Variants in TMC1 observed in about 807,000 individuals in gnomAD.
TMC1 encodes transmembrane channel like 1.
TMC1 carries 84 observed loss-of-function variants against 105.8 expected under a neutral mutation model. The observed-to-expected ratio is 0.79, with a 90% CI of 0.67 to 0.95. TMC1 has a LOEUF of 0.95. Among genes scored for constraint, TMC1 ranks in the 40% least tolerant of loss-of-function variants. The probability of loss-of-function intolerance (pLI) is 0.00; values close to 1 mark genes in which losing one functional copy is unlikely to be tolerated. For missense variants in TMC1, 817 were observed against 914.1 expected (o/e 0.89, Z 1.37); for synonymous variants, 315 against 311.5 (o/e 1.01, Z -0.12).
chr9:72,792,102 T>G (rs376924249), intron 16 of TMC1, 37 bp downstream of exon 16: 54 of 1,613,358 alleles, frequency 3.3e-5, no homozygotes, highest in Middle Eastern at 1.6e-4. Flanking sequence ...GCCATAAGAG[T>G]GTTGTTCAAT....
chr9:72,626,195 G>A (rs937423965), intron 3 of TMC1, among the ~76,000 whole-genome samples: 1 of 152,152 alleles, frequency 6.6e-6, no homozygotes, highest in African/African-American at 2.4e-5. Flanking sequence ...GACCCTGAGG[G>A]AGAACTGCTT....
intron 8 of TMC1, among the ~76,000 whole-genome samples, chr9:72,731,874 C>T (rs992048803): frequency 6.6e-6 from 1 of 152,166 alleles, no homozygotes; most frequent in Non-Finnish European, 1.5e-5. Flanking sequence ...TGATACCACT[C>T]CATCTCTCAT....
At chr9:72,580,929 A>T (rs1461601714) in intron 2 of TMC1, among the ~76,000 whole-genome samples, 1 of 152,188 alleles carries the variant, frequency 6.6e-6, no homozygotes, top group African/African-American at 2.4e-5. Flanking sequence ...TGCTAGCATG[A>T]TGCCCCATCC....
chr9:72,684,739 C>T (rs1826347953), intron 5 of TMC1, among the ~76,000 whole-genome samples: 1 of 152,128 alleles, frequency 6.6e-6, no homozygotes. Context: ...TTTAACAGCT[C>T]CTACCTAAGC....
Position 72,529,829 on chromosome 9 carries a change from C to T in TMC1, c.-428+7916C>T, listed in dbSNP as rs11143315. 1.0e-3 allele frequency among the ~76,000 whole-genome samples: 154 copies of T among 152,254 alleles called. 1 individual carries two copies. The highest frequency in any genetic ancestry group is 3.4e-3 in the African/African-American group (140 of 41,540). On this transcript the variant is annotated intron_variant, in intron 1 of 23. Transcript: ENST00000297784. ...ATTATGAGACTAAACCAGTTTCCCT[C>T]ACCTGCAGCTAGATAAAAATTTCTA...
intron 5 of TMC1, among the ~76,000 whole-genome samples, chr9:72,676,886 T>C (rs1826211107): frequency 6.6e-6 from 1 of 152,146 alleles, no homozygotes; most frequent in African/African-American, 2.4e-5. Context: ...ATCTTCTGCC[T>C]GTTTCTGGAA....
At chr9:72,783,643 A>C (rs975745955) in intron 13 of TMC1, among the ~76,000 whole-genome samples, 1 of 152,184 alleles carries the variant, frequency 6.6e-6, no homozygotes, top group Admixed American at 6.5e-5. Flanking sequence ...TTTACCAGCT[A>C]TCTAGGCATC....
chr9:72,664,699 C>T (rs774900141), intron 5 of TMC1, among the ~76,000 whole-genome samples: 22 of 152,152 alleles, frequency 1.4e-4, no homozygotes, highest in Non-Finnish European at 2.8e-4. Context: ...TCACTCCATC[C>T]CCTTTCCAGC....
At chr9:72,751,815 A>C in intron 10 of TMC1, 35 bp from the exon 11 acceptor site, 1 of 1,368,558 alleles carries the variant, frequency 7.3e-7, no homozygotes, top group Non-Finnish European at 1.0e-6. Flanking sequence ...GTTTGCTTTG[A>C]TCTCTCTTCA....
intron 18 of TMC1, among the ~76,000 whole-genome samples, chr9:72,814,583 A>C (rs1276426800): frequency 1.3e-5 from 2 of 152,092 alleles, no homozygotes; most frequent in Non-Finnish European, 2.9e-5. Context: ...AGGACTCTTT[A>C]TTATTTCATT....
In TMC1 at chr9:72,616,383, T is replaced by C. The variant is rs1310100589; in HGVS notation, c.-290T>C. On this transcript the variant is annotated 5_prime_UTR_variant, in exon 3 of 24. Transcript: ENST00000297784. The stretch of plus-strand genomic sequence containing the variant: ...ATAATTCCAGGCCATGAAAGATCAC[T>C]GTTTTAGTCTGCGTGGTGCAGTGGA... 1 of 152,132 alleles carries C rather than the reference T, an allele frequency of 6.6e-6. No homozygotes were observed. Among genetic ancestry groups the C allele is most frequent in the Non-Finnish European group, 1.5e-5 (1 of 68,030 alleles). The allele number at this position is 152,132 out of a possible 1,614,324, so 9.4% of individuals were successfully genotyped here. A position where few individuals can be genotyped will look rare whatever the true frequency, so the allele number is the denominator to read the frequency against.
chr9:72,542,973 C>T (rs1165196737), intron 1 of TMC1, among the ~76,000 whole-genome samples: 1 of 152,098 alleles, frequency 6.6e-6, no homozygotes, highest in African/African-American at 2.4e-5. Flanking sequence ...GCCACCGCAC[C>T]CAGCTAGGCC....
chr9:72,539,145 G>A (rs1284961003), intron 1 of TMC1, among the ~76,000 whole-genome samples: 1 of 152,020 alleles, frequency 6.6e-6, no homozygotes, highest in Non-Finnish European at 1.5e-5. Context: ...CACTTTGGAA[G>A]GCTGAGGTGG....
intron 8 of TMC1, among the ~76,000 whole-genome samples, chr9:72,728,472 A>G (rs1488920984): frequency 6.6e-6 from 1 of 152,132 alleles, no homozygotes; most frequent in Admixed American, 6.6e-5. Context: ...GAGAGCAGAG[A>G]GCTTTTCTTG....
chr9:72,805,497 T>G lies in TMC1; in HGVS notation c.1682T>G (p.Leu561Trp), dbSNP rs1828559533. 3 of 1,613,418 alleles carry G rather than the reference T, an allele frequency of 1.9e-6. No individual in the cohort carries two copies. Among genetic ancestry groups the G allele is most frequent in the Non-Finnish European group, 2.5e-6 (3 of 1,179,668 alleles). ...TGCAATTATTGCTGGTGCTGGGACTTGGAGTATGGATATGTAAGTATGATG... is the reference window on the plus strand; with the variant it reads ...TGCAATTATTGCTGGTGCTGGGACTGGGAGTATGGATATGTAAGTATGATG... The part of the protein sequence containing the change: ...RFCNYCWCWD[L>W]EYGYPSYTEF... The change falls in exon 18 of 24, where the codon TTG becomes TGG. Residue 561 changes from leucine (L) to tryptophan (W), a missense_variant. By Grantham distance (61) the Leu-to-Trp change is moderately conservative. Coordinates refer to ENST00000297784, the MANE Select transcript of TMC1 (RefSeq NM_138691.3).
intron 8 of TMC1, among the ~76,000 whole-genome samples, chr9:72,701,421 G>A (rs995743029): frequency 6.6e-6 from 1 of 152,178 alleles, no homozygotes; most frequent in Non-Finnish European, 1.5e-5. Flanking sequence ...CCCTGCCCTG[G>A]TGGTTGGGAG....
rs116168284 is a variant in TMC1 at position 72,559,925 on chromosome 9, A to G, written c.-427-17977A>G. Reference sequence around the variant, plus strand: ...ACACTTGGTGCACAACCAGACCTCAATGTATTTAGGAGGAAACTGTTATTT... The same window carrying G: ...ACACTTGGTGCACAACCAGACCTCAGTGTATTTAGGAGGAAACTGTTATTT... On this transcript the variant is annotated intron_variant, in intron 1 of 23. Coordinates refer to ENST00000297784, the MANE Select transcript of TMC1 (RefSeq NM_138691.3). 5.4e-3 allele frequency among the ~76,000 whole-genome samples: 816 copies of G among 152,334 alleles called. 7 individuals are homozygous for G. The highest frequency in any genetic ancestry group is 0.019 in the African/African-American group (780 of 41,574).
Position 72,787,622 on chromosome 9 carries a change from T to G in TMC1, c.885-717T>G, listed in dbSNP as rs559933847. Among the ~76,000 whole-genome samples the G allele has an allele frequency of 1.1e-4, 17 of 151,838 alleles. No individual in the cohort carries two copies. In the South Asian group the frequency reaches 1.5e-3, roughly 13 times the overall value. On this transcript the variant is annotated intron_variant, in intron 13 of 23. Transcript: ENST00000297784. ...AAATAAACCTGTGAGTAAATGCATTTTAAGCTCTTCATGCAAATACATATA... is the reference window on the plus strand; with the variant it reads ...AAATAAACCTGTGAGTAAATGCATTGTAAGCTCTTCATGCAAATACATATA...
chr9:72,606,551 T>C (rs1291350660), intron 2 of TMC1, among the ~76,000 whole-genome samples: 4 of 152,224 alleles, frequency 2.6e-5, no homozygotes, highest in Admixed American at 6.5e-5. Context: ...TATGTACTTA[T>C]GTTACTTAAA....
Sources: gnomAD v4.1 joint callset for allele counts (sites outside exome capture counted in the v4.1 genomes callset) on GRCh38, gnomAD v4.1.1 for gene constraint, MANE v1.5 for transcripts, NCBI Gene and HGNC (gene_info 2026-07-23, HGNC 2026-07-21) for gene names.